Variants in CYRIA observed in about 807,000 individuals in gnomAD.
CYRIA encodes CYFIP-related Rac1 interactor A.
Under a neutral mutation model 43.9 loss-of-function variants are expected in CYRIA, and 15 were observed. The observed-to-expected ratio is 0.34, with a 90% CI of 0.23 to 0.53. The LOEUF (loss-of-function observed/expected upper bound fraction) is 0.53, where lower values mean the gene tolerates loss of function less well. Among genes scored for constraint, CYRIA ranks in the 20% least tolerant of loss-of-function variants. The probability of loss-of-function intolerance (pLI) is 0.94; values close to 1 mark genes in which losing one functional copy is unlikely to be tolerated. For missense variants in CYRIA, 236 were observed against 394.2 expected (o/e 0.60, Z 3.40); for synonymous variants, 117 against 136.0 (o/e 0.86, Z 0.97).
At chr2:16,640,469 G>C (rs753627250) in intron 1 of CYRIA, among the ~76,000 whole-genome samples, 1 of 152,202 alleles carries the variant, frequency 6.6e-6, no homozygotes, top group Non-Finnish European at 1.5e-5. Flanking sequence ...TCCATCTTCT[G>C]GCACAATTGG....
chr2:16,636,241 G>A (rs952379334), intron 1 of CYRIA, among the ~76,000 whole-genome samples: 2 of 152,080 alleles, frequency 1.3e-5, no homozygotes, highest in East Asian at 3.9e-4. Flanking sequence ...CTCCCTCTGT[G>A]TCTCCCTGAA....
At chr2:16,558,963 C>T (rs1406031988) in intron 10 of CYRIA, among the ~76,000 whole-genome samples, 1 of 152,030 alleles carries the variant, frequency 6.6e-6, no homozygotes, top group Non-Finnish European at 1.5e-5. Context: ...AGGGCTCTCT[C>T]GGCAAGAGAA....
chr2:16,665,557 C>T (rs1451810825), intron 1 of CYRIA, among the ~76,000 whole-genome samples: 2 of 152,004 alleles, frequency 1.3e-5, no homozygotes, highest in Non-Finnish European at 2.9e-5. Flanking sequence ...CAACGGGGCA[C>T]AAAGCCGGAC....
At chr2:16,587,073 C>T (rs1030911736) in intron 3 of CYRIA, among the ~76,000 whole-genome samples, 3 of 151,968 alleles carry the variant, frequency 2.0e-5, no homozygotes, top group African/African-American at 7.2e-5. Flanking sequence ...CTGAAGAAAA[C>T]GTAGTTTTTG....
chr2:16,576,284 T>A (rs752164532), intron 3 of CYRIA, among the ~76,000 whole-genome samples: 5 of 152,172 alleles, frequency 3.3e-5, no homozygotes, highest in Admixed American at 6.5e-5. Context: ...GATGAAGTAA[T>A]TAATAAAATA....
intron 1 of CYRIA, among the ~76,000 whole-genome samples, chr2:16,630,708 G>A (rs1425387847): frequency 3.3e-5 from 5 of 152,080 alleles, no homozygotes; most frequent in African/African-American, 1.2e-4. Context: ...GTGAGGAAGT[G>A]GGAGACACAT....
At chr2:16,614,713 C>T (rs1471529261) in intron 2 of CYRIA, among the ~76,000 whole-genome samples, 2 of 152,220 alleles carry the variant, frequency 1.3e-5, no homozygotes, top group African/African-American at 4.8e-5. Flanking sequence ...CTCTGGTACT[C>T]AGTGGAAGAT....
chr2:16,554,810 C>A (rs1174329963), intron 11 of CYRIA, among the ~76,000 whole-genome samples: 1 of 152,190 alleles, frequency 6.6e-6, no homozygotes, highest in Admixed American at 6.5e-5. Context: ...GGGTCACCCA[C>A]ACCTGGGTTC....
intron 2 of CYRIA, among the ~76,000 whole-genome samples, chr2:16,622,628 T>C (rs528647119): frequency 3.3e-5 from 5 of 152,312 alleles, no homozygotes; most frequent in Admixed American, 2.0e-4. Flanking sequence ...GAGTGTACTA[T>C]CCCTACCTTA....
At chr2:16,565,516 C>T in intron 4 of CYRIA, 130 bp downstream of exon 4, 1 of 1,152,610 alleles carries the variant, frequency 8.7e-7, no homozygotes, top group Non-Finnish European at 1.1e-6. Context: ...ACACATTACC[C>T]TCCTTGTTCT....
In CYRIA at chr2:16,573,835, T is replaced by C. The variant is rs923222631; in HGVS notation, c.71-8068A>G. Among the ~76,000 whole-genome samples the C allele has an allele frequency of 5.3e-5, 8 of 152,354 alleles. No individual in the cohort carries two copies. The South Asian group carries it at 1.0e-3, about 20-fold the overall frequency. The stretch of plus-strand genomic sequence containing the variant: ...TGTAAGTCCATTAAACCTCTTTCTT[T>C]TGTAAATTGCCCAGTCTCAGGTATG... On this transcript the variant is annotated intron_variant, in intron 3 of 11. Coordinates refer to ENST00000381323, the MANE Select transcript of CYRIA (RefSeq NM_030797.4).
chr2:16,641,861 A>G (rs572939488), intron 1 of CYRIA, among the ~76,000 whole-genome samples: 1 of 152,116 alleles, frequency 6.6e-6, no homozygotes, highest in Admixed American at 6.5e-5. Context: ...CCAATGGTCA[A>G]CTCTCTCTTC....
In CYRIA at chr2:16,644,541, G is replaced by C. The variant is rs530942974; in HGVS notation, c.-166-20522C>G. 1.1e-3 allele frequency among the ~76,000 whole-genome samples: 169 copies of C among 152,218 alleles called. 1 individual carries two copies. Among genetic ancestry groups the C allele is most frequent in the African/African-American group, 3.9e-3 (161 of 41,536 alleles). Reference sequence around the variant, plus strand: ...CTGGCATCTGTCACACTGTTGCTGGGGCTTAACTACTGTTGTCTGTCAAAG... The same window carrying C: ...CTGGCATCTGTCACACTGTTGCTGGCGCTTAACTACTGTTGTCTGTCAAAG... On this transcript the variant is annotated intron_variant, in intron 1 of 11. Transcript: ENST00000381323.
intron 2 of CYRIA, among the ~76,000 whole-genome samples, chr2:16,622,010 A>G (rs1159819641): frequency 6.6e-6 from 1 of 152,182 alleles, no homozygotes; most frequent in Non-Finnish European, 1.5e-5. Context: ...TGTTCCATGA[A>G]CATCTACTGA....
rs555415009 is a variant in CYRIA, at chr2:16,591,461, T to C, written c.-10-3332A>G. On this transcript the variant is annotated intron_variant, in intron 2 of 11. Transcript: ENST00000381323. ...AAAAAAGGAAAAAGAGACAAGACAA[T>C]GAGAAATCTCCTCTGGTTTCTAAAA... Among the ~76,000 whole-genome samples the C allele has an allele frequency of 2.4e-4, 37 of 152,208 alleles. No individual in the cohort carries two copies. The South Asian group carries it at 7.5e-3, about 31-fold the overall frequency.
chr2:16,654,513 T>C (rs945246601), intron 1 of CYRIA, among the ~76,000 whole-genome samples: 11 of 152,160 alleles, frequency 7.2e-5, no homozygotes, highest in Non-Finnish European at 1.3e-4. Flanking sequence ...AAAAATAAAA[T>C]TGTGGCCTGG....
At chr2:16,556,494 A>G (rs1324937347) in intron 10 of CYRIA, among the ~76,000 whole-genome samples, 1 of 152,140 alleles carries the variant, frequency 6.6e-6, no homozygotes, top group Non-Finnish European at 1.5e-5. Flanking sequence ...GGGGTGGAAG[A>G]GCAGGGAATG....
At chr2:16,590,417 A>G (rs922645178) in intron 2 of CYRIA, among the ~76,000 whole-genome samples, 1 of 152,160 alleles carries the variant, frequency 6.6e-6, no homozygotes, top group Non-Finnish European at 1.5e-5. Context: ...ACTTTCATAC[A>G]AAGTGCTTTG....
Position 16,617,587 on chromosome 2 carries a change from C to T in CYRIA, c.-11+6277G>A, listed in dbSNP as rs114227414. On this transcript the variant is annotated intron_variant, in intron 2 of 11. Coordinates refer to ENST00000381323, the MANE Select transcript of CYRIA (RefSeq NM_030797.4). ...CTGGTAGCTGCCTCATTAAGGCCTG[C>T]AGCCAGGAGGGTAGGGTACACACTG... Among the ~76,000 whole-genome samples the T allele has an allele frequency of 6.1e-3, 935 of 152,378 alleles. 2 individuals carry two copies. Among genetic ancestry groups the T allele is most frequent in the Non-Finnish European group, 0.01 (700 of 68,038 alleles).
Sources: gnomAD v4.1 joint callset for allele counts (sites outside exome capture counted in the v4.1 genomes callset) on GRCh38, gnomAD v4.1.1 for gene constraint, MANE v1.5 for transcripts, NCBI Gene and HGNC (gene_info 2026-07-23, HGNC 2026-07-21) for gene names.